HDAC8: variants seen among roughly 807,000 people sequenced by gnomAD.
HDAC8 encodes the protein histone deacetylase 8, also known as histone deacetylase-like 1.
A neutral mutation model predicts 32.2 loss-of-function variants in HDAC8; 1 was observed. The ratio of observed to expected loss-of-function variants is 0.03; its 90% confidence interval spans 0.01 to 0.15. HDAC8 has a LOEUF of 0.15. Among genes scored for constraint, HDAC8 ranks in the 10% least tolerant of loss-of-function variants. The pLI, the probability that HDAC8 is intolerant of heterozygous loss-of-function variation, is 1.00. For synonymous variants in HDAC8, 108 were observed against 113.9 expected (o/e 0.95, Z 0.33); for missense variants, 117 against 300.0 (o/e 0.39, Z 4.51).
intron 9 of HDAC8, among the ~76,000 whole-genome samples, chrX:72,436,891 T>C (rs1555979410): frequency 8.9e-6 from 1 of 112,140 alleles, no homozygotes. Flanking sequence ...TGATAAATTA[T>C]ACATGTATAA....
chrX:72,339,447 G>A (rs945007206), intron 10 of HDAC8, among the ~76,000 whole-genome samples: 2 of 112,484 alleles, frequency 1.8e-5, no homozygotes, highest in Admixed American at 9.4e-5. Context: ...AGTGCTGTGG[G>A]CAGAAAAAGA....
At chrX:72,460,491 C>T (rs782707952) in intron 9 of HDAC8, among the ~76,000 whole-genome samples, 1 of 111,662 alleles carries the variant, frequency 9.0e-6, no homozygotes, top group Non-Finnish European at 1.9e-5. Flanking sequence ...ACGTGTTAGG[C>T]ACTTGACATA....
intron 9 of HDAC8, among the ~76,000 whole-genome samples, chrX:72,415,033 T>A (rs2046296855): frequency 8.9e-6 from 1 of 112,626 alleles, no homozygotes; most frequent in Non-Finnish European, 1.9e-5. Context: ...AACTGCAATA[T>A]AGTTTATATG....
chrX:72,432,412 T>G (rs782444100), intron 9 of HDAC8, among the ~76,000 whole-genome samples: 19 of 111,130 alleles, frequency 1.7e-4, no homozygotes, highest in Non-Finnish European at 3.2e-4. Context: ...CCCGGCCCAT[T>G]CCATCTCTTA....
chrX:72,535,103 T>A (rs1165851975), intron 4 of HDAC8, among the ~76,000 whole-genome samples: 2 of 112,137 alleles, frequency 1.8e-5, no homozygotes, highest in Non-Finnish European at 3.8e-5. Flanking sequence ...ATTCTTACTT[T>A]CAAACAAGGT....
chrX:72,343,652 C>T (rs1213439229), intron 10 of HDAC8, among the ~76,000 whole-genome samples: 2 of 110,522 alleles, frequency 1.8e-5, no homozygotes, highest in Non-Finnish European at 3.8e-5. Flanking sequence ...CCATGATGGG[C>T]AAGGACTTTA....
chrX:72,395,925 T>C (rs191482756), intron 9 of HDAC8, among the ~76,000 whole-genome samples: 3 of 111,840 alleles, frequency 2.7e-5, no homozygotes, highest in African/African-American at 9.7e-5. Context: ...ACTTGGAGAC[T>C]AGGAGTGTAA....
At chrX:72,379,106 C>T (rs1037318937) in intron 9 of HDAC8, among the ~76,000 whole-genome samples, 3 of 111,472 alleles carry the variant, frequency 2.7e-5, no homozygotes, top group Non-Finnish European at 3.8e-5. Flanking sequence ...GATCCACCCG[C>T]CTTGGCCTCC....
At chrX:72,471,634 G>A (rs2048179470) in intron 7 of HDAC8, among the ~76,000 whole-genome samples, 1 of 111,987 alleles carries the variant, frequency 8.9e-6, no homozygotes, top group Non-Finnish European at 1.9e-5. Context: ...TGTGCTTATT[G>A]GATATTTGTG....
chrX:72,330,845 T>C (rs1421609766), intron 10 of HDAC8: 1 of 110,339 alleles, frequency 9.1e-6, no homozygotes, highest in Non-Finnish European at 1.9e-5. Context: ...TCTTGCACAG[T>C]GCCTCACTCA....
intron 9 of HDAC8, among the ~76,000 whole-genome samples, chrX:72,360,058 AAAG>A (rs1273209009): frequency 1.0e-5 from 1 of 99,335 alleles, no homozygotes. Context: ...TGTCTCAAAA[AAAG>A]AAAAAAAAAA....
At position 72,572,051 on chromosome X, in the gene HDAC8, A is replaced by T; in HGVS notation, c.164+6T>A. 1 of 1,190,615 alleles carries T rather than the reference A, an allele frequency of 8.4e-7. No homozygotes were observed. The highest frequency in any genetic ancestry group is 1.1e-6 in the Non-Finnish European group (1 of 885,669). On this transcript the variant is annotated splice_donor_region_variant and intron_variant, in intron 2 of 10. Coordinates refer to ENST00000373573, the MANE Select transcript of HDAC8 (RefSeq NM_018486.3). ...TTCAGGGCTATGTTCAAGAAAGACA[A>T]CTTACCTCATCTGCTTATGCAGTGC...
chrX:72,548,060 C>T (rs2050920098), intron 4 of HDAC8, among the ~76,000 whole-genome samples: 1 of 111,839 alleles, frequency 8.9e-6, no homozygotes, highest in Admixed American at 9.5e-5. Flanking sequence ...ATACCTTAAG[C>T]GGTCTCCCTA....
chrX:72,506,026 G>A (rs1603116024), intron 4 of HDAC8, among the ~76,000 whole-genome samples: 1 of 111,659 alleles, frequency 9.0e-6, no homozygotes. Flanking sequence ...AATCCCTATT[G>A]GGACTCTAAG....
intron 4 of HDAC8, among the ~76,000 whole-genome samples, chrX:72,496,593 T>C (rs150403384): frequency 2.7e-5 from 3 of 111,381 alleles, no homozygotes; most frequent in African/African-American, 9.8e-5. Context: ...TTTACTGCCT[T>C]AGCACATTAA....
chrX:72,406,735 A>T (rs2046049132), intron 9 of HDAC8, among the ~76,000 whole-genome samples: 1 of 112,640 alleles, frequency 8.9e-6, no homozygotes, highest in Non-Finnish European at 1.9e-5. Context: ...GTGCAGTCTA[A>T]CATAGTAACC....
At chrX:72,389,411 G>A (rs1555962966) in intron 9 of HDAC8, among the ~76,000 whole-genome samples, 1 of 112,106 alleles carries the variant, frequency 8.9e-6, no homozygotes, top group Non-Finnish European at 1.9e-5. Flanking sequence ...TTGTGAGGAA[G>A]CAGAGAGCCT....
chrX:72,430,743 A>G (rs1432216219), intron 9 of HDAC8, among the ~76,000 whole-genome samples: 1 of 112,097 alleles, frequency 8.9e-6, no homozygotes, highest in African/African-American at 3.2e-5. Flanking sequence ...TTTCATATTA[A>G]GAGCCCAATA....
At chrX:72,459,831 AATCT>A (rs2047820410) in intron 9 of HDAC8, among the ~76,000 whole-genome samples, 2 of 111,838 alleles carry the variant, frequency 1.8e-5, no homozygotes, top group African/African-American at 6.5e-5. Context: ...ACCATTTGTT[AATCT>A]GATTTCAGAG....
Sources: gnomAD v4.1 joint callset for allele counts (sites outside exome capture counted in the v4.1 genomes callset) on GRCh38, gnomAD v4.1.1 for gene constraint, MANE v1.5 for transcripts, NCBI Gene and HGNC (gene_info 2026-07-23, HGNC 2026-07-21) for gene names.